ING4: variants seen among roughly 807,000 people sequenced by gnomAD.
The protein encoded by ING4 is inhibitor of growth protein 4.
In ING4, 28 loss-of-function variants were observed where a neutral mutation model predicts 33.1. The ratio of observed to expected loss-of-function variants is 0.85; its 90% CI spans 0.63 to 1.16. The LOEUF (loss-of-function observed/expected upper bound fraction) is 1.16, where lower values mean the gene tolerates loss of function less well. Ranked by LOEUF, ING4 falls within the 50% of genes most tolerant of loss-of-function variation. ING4 has a pLI of 0.00. For synonymous variants in ING4, 87 were observed against 104.4 expected, an observed-to-expected ratio of 0.83 and a Z score of 1.02; for missense variants, 247 against 314.7, an observed-to-expected ratio of 0.78 and a Z score of 1.63.
At position 6,663,089 on chromosome 12, in the gene ING4, T is replaced by A; in HGVS notation, c.13A>T (p.Met5Leu). MAAG[M>L]YLEHYLDSIE... ...CTGTCCAGATAATGTTCCAAATACATCCCCGCAGCCATCTCGAAGCAAAAC... is the reference window on the plus strand; with the variant it reads ...CTGTCCAGATAATGTTCCAAATACAACCCCGCAGCCATCTCGAAGCAAAAC... The change falls in exon 1 of 8, where the codon ATG becomes TTG. Residue 5 changes from methionine (M) to leucine (L), a missense_variant. By Grantham distance (15) the Met-to-Leu change is conservative. This residue lies in a region of ING4 where 198 missense variants were observed against 221.2 expected (regional missense o/e 0.89). Coordinates refer to ENST00000341550, the MANE Select transcript of ING4 (RefSeq NM_016162.4). The A allele has an allele frequency of 6.2e-7, 1 of 1,613,836 alleles. No homozygotes were observed. The highest frequency in any genetic ancestry group is 8.5e-7 in the Non-Finnish European group (1 of 1,179,972).
intron 3 of ING4, 48 bp from the exon 4 acceptor site, chr12:6,653,098 T>G: frequency 6.2e-7 from 1 of 1,600,180 alleles, no homozygotes; most frequent in South Asian, 1.1e-5. Context: ...TATCTCCAAT[T>G]AAAGAAAATA....
chr12:6,662,857 C>A (rs974443166), intron 1 of ING4, among the ~76,000 whole-genome samples: 3 of 151,962 alleles, frequency 2.0e-5, no homozygotes, highest in African/African-American at 7.2e-5. Flanking sequence ...ACCCCCACAC[C>A]GCACCCCTCC....
intron 7 of ING4, 31 bp downstream of exon 7, chr12:6,651,293 A>G: frequency 6.2e-7 from 1 of 1,614,026 alleles, no homozygotes. Flanking sequence ...TGACCACTCA[A>G]CTTAGGGACC....
intron 1 of ING4, among the ~76,000 whole-genome samples, chr12:6,659,976 G>A (rs947849109): frequency 4.6e-5 from 7 of 152,110 alleles, no homozygotes; most frequent in Admixed American, 6.6e-5. Flanking sequence ...AAAAAATAAT[G>A]TGTAATTAGT....
Position 6,652,806 on chromosome 12 carries a change from C to A in ING4, c.392-39G>T, listed in dbSNP as rs201193156. The A allele has an allele frequency of 2.7e-4, 430 of 1,600,530 alleles. 2 individuals carry two copies. The African/African-American group carries it at 5.3e-3, about 20-fold the overall frequency. On this transcript the variant is annotated intron_variant, in intron 4 of 7. Transcript: ENST00000341550. ...GGGAGAAAGCCAGAAGGCAGGGAGACAGAAAGATGGGTTAAGTCCTCTTCT... is the reference window on the plus strand; with the variant it reads ...GGGAGAAAGCCAGAAGGCAGGGAGAAAGAAAGATGGGTTAAGTCCTCTTCT...
rs1182132691 is a variant in ING4, at chr12:6,651,227, G to C, written c.715C>G (p.Pro239Ala). 1 of 1,614,074 alleles carries C rather than the reference G, an allele frequency of 6.2e-7. No homozygotes were observed. Among genetic ancestry groups the C allele is most frequent in the African/African-American group, 1.3e-5 (1 of 74,928 alleles). Residue 239 changes from proline (P) to alanine (A), a missense_variant, in exon 8 of 8, where the codon CCA (proline) becomes GCA (alanine). Pro to Ala is a conservative substitution (Grantham distance 27, BLOSUM62 -1). Coordinates refer to ENST00000341550, the MANE Select transcript of ING4 (RefSeq NM_016162.4). ...TTCTTCCGTTCTTGGGAGCAGCGTG[G>C]GCAAAACCTGAAACAGAGAAGGGGA... ...TTKPRGKWFC[P>A]RCSQERKKK
chr12:6,655,419 G>C (rs1198603135), intron 2 of ING4, among the ~76,000 whole-genome samples: 3 of 152,174 alleles, frequency 2.0e-5, no homozygotes, highest in East Asian at 1.9e-4. Flanking sequence ...TATTTGGAAG[G>C]GCTCATAAAT....
At chr12:6,657,163 CAAAT>C (rs1949383022) in intron 1 of ING4, among the ~76,000 whole-genome samples, 1 of 146,076 alleles carries the variant, frequency 6.8e-6, no homozygotes, top group Admixed American at 6.8e-5. Flanking sequence ...CAAAAACAAA[CAAAT>C]GGCCAGGCAT....
In ING4 at chr12:6,658,682, ACT is replaced by A. The variant is rs921178314; in HGVS notation, c.38-1886_38-1885del. 4.6e-5 allele frequency among the ~76,000 whole-genome samples: 7 copies of A among 152,110 alleles called. No individual in the cohort carries two copies. The East Asian group carries it at 1.3e-3, about 29-fold the overall frequency. ...GCCTGGATGACAGAGCAAGACACTGACTCAAAAAAACAAAAACAAAAACAAAC... is the reference window on the plus strand; with the variant it reads ...GCCTGGATGACAGAGCAAGACACTGACAAAAAAACAAAAACAAAAACAAAC... On this transcript the variant is annotated intron_variant, in intron 1 of 7. Transcript: ENST00000341550.
intron 1 of ING4, among the ~76,000 whole-genome samples, chr12:6,658,148 C>G (rs1330211343): frequency 6.6e-6 from 1 of 151,460 alleles, no homozygotes; most frequent in Non-Finnish European, 1.5e-5. Flanking sequence ...TTAGTAGACA[C>G]AGGGTTTCAC....
chr12:6,652,982 C>G lies in ING4; in HGVS notation c.345G>C (p.Gln115His). 4 of 1,614,076 alleles carry G rather than the reference C, an allele frequency of 2.5e-6. No individual in the cohort carries two copies. The highest frequency in any genetic ancestry group is 3.4e-6 in the Non-Finnish European group (4 of 1,180,020). ...AGCTGTCATAGTCACTTGACTCAAT[C>G]TGTTTCTCCTTGAGATCAGCCTCAA... Reference protein sequence around the residue: ...ARFEADLKEKQIESSDYDSSS... With the variant: ...ARFEADLKEKHIESSDYDSSS... The change falls in exon 4 of 8, where the codon CAG becomes CAC. Residue 115 changes from glutamine (Q) to histidine (H), a missense_variant. Around this residue, in one of 3 missense-constraint regions of ING4, gnomAD observed 198 missense variants for 221.2 expected, o/e 0.89. Coordinates refer to ENST00000341550, the MANE Select transcript of ING4 (RefSeq NM_016162.4).
At position 6,652,328 on chromosome 12, in the gene ING4, G is replaced by A. The variant is rs1341376449; in HGVS notation, c.588C>T (p.Thr196=). 3.1e-6 allele frequency: 5 copies of A among 1,614,154 alleles called. No individual in the cohort carries two copies. Among genetic ancestry groups the A allele is most frequent in the African/African-American group, 1.3e-5 (1 of 75,034 alleles). The change falls in exon 6 of 8, where the codon ACC becomes ACT. Residue 196 remains threonine (T), a synonymous_variant. Transcript: ENST00000341550. ...LDMPVDPNEP[T]YCLCHQVSYG... is the part of the protein sequence containing the mutation. ...AGGAGACCTGGTGACAAAGGCAATA[G>A]GTGGGTTCGTTGGGATCCACAGGCA...
At chr12:6,652,830 C>T in intron 4 of ING4, 63 bp from the exon 5 acceptor site, 1 of 1,574,766 alleles carries the variant, frequency 6.4e-7, no homozygotes, top group Non-Finnish European at 8.7e-7. Flanking sequence ...AAGTCCTCTT[C>T]TCTCCCCCTT....
chr12:6,662,023 T>C (rs1386211313), intron 1 of ING4, among the ~76,000 whole-genome samples: 2 of 152,222 alleles, frequency 1.3e-5, no homozygotes, highest in Non-Finnish European at 2.9e-5. Flanking sequence ...CCTCAGCCTC[T>C]TTCTCCAGTC....
chr12:6,655,987 CTCTTTT>C (rs1949340084), intron 2 of ING4: 1 of 449,658 alleles, frequency 2.2e-6, no homozygotes, highest in South Asian at 1.6e-5. Flanking sequence ...TTTTTTCTTT[CTCTTTT>C]TAAGGACTTC....
intron 1 of ING4, among the ~76,000 whole-genome samples, chr12:6,657,639 T>C (rs1410652004): frequency 6.6e-6 from 1 of 151,222 alleles, no homozygotes; most frequent in Non-Finnish European, 1.5e-5. Context: ...CCTTTATAAA[T>C]AAGCTCTTCC....
rs778267798 is a variant in ING4, at chr12:6,652,373, G to A, written c.543C>T (p.His181=). 4 of 1,614,070 alleles carry A rather than the reference G, an allele frequency of 2.5e-6. No homozygotes were observed. Among genetic ancestry groups the A allele is most frequent in the Non-Finnish European group, 3.4e-6 (4 of 1,179,956 alleles). The change falls in exon 6 of 8, where the codon CAC becomes CAT. Residue 181 remains histidine (H), a synonymous_variant. Transcript: ENST00000341550. ...CAGGCATATCCAACACATCAGAGGG[G>A]TGGACACTGCCAAAGGTCACTGAGG... The part of the protein sequence containing the change: ...GMPSVTFGSV[H]PSDVLDMPVD...
At chr12:6,656,095 G>C (rs139374084) in intron 2 of ING4, among the ~76,000 whole-genome samples, 1 of 152,062 alleles carries the variant, frequency 6.6e-6, no homozygotes, top group East Asian at 1.9e-4. Context: ...GAGAGAAGTA[G>C]AAACATTCTA....
In ING4 at chr12:6,650,666, TC is replaced by T. The variant is rs1170664932; in HGVS notation, c.*528del. ...TATCTGCATTCCACCTTGCCCCCTCTCCCAGGATGAATCCTCTTGGCACAGA... is the reference window on the plus strand; with the variant it reads ...TATCTGCATTCCACCTTGCCCCCTCTCCAGGATGAATCCTCTTGGCACAGA... On this transcript the variant is annotated 3_prime_UTR_variant, in exon 8 of 8. Transcript: ENST00000341550. 3 of 158,780 alleles carry T rather than the reference TC, an allele frequency of 1.9e-5. No homozygotes were observed. Among genetic ancestry groups the T allele is most frequent in the African/African-American group, 7.2e-5 (3 of 41,552 alleles). The allele number at this position is 158,780 out of a possible 1,614,324, so 9.8% of individuals were successfully genotyped here. A position where few individuals can be genotyped will look rare whatever the true frequency, so the allele number is the denominator to read the frequency against.
Sources: allele counts gnomAD v4.1 joint callset (sites outside exome capture counted in the v4.1 genomes callset), GRCh38; gene constraint gnomAD v4.1.1; regional missense constraint gnomAD v4.1.1; transcripts MANE v1.5; gene names NCBI Gene and HGNC (gene_info 2026-07-23, HGNC 2026-07-21).